The following TTC14 variants were observed in gnomAD, a reference collection of about 807,000 sequenced individuals.
The protein encoded by TTC14 is tetratricopeptide repeat domain 14, also known as tetratricopeptide repeat protein 14.
Under a neutral mutation model 79.9 loss-of-function variants are expected in TTC14, and 63 were observed. The ratio of observed to expected loss-of-function variants is 0.79; its 90% CI spans 0.64 to 0.97. The LOEUF (loss-of-function observed/expected upper bound fraction) is 0.97, where lower values mean the gene tolerates loss of function less well. Among genes scored for constraint, TTC14 ranks in the 50% least tolerant of loss-of-function variants. The pLI is 0.00. For missense variants in TTC14, 895 were observed against 894.0 expected (o/e 1.00, Z -0.01); for synonymous variants, 335 against 309.6 (o/e 1.08, Z -0.86).
intron 11 of TTC14, chr3:180,609,415 A>C: frequency 8.1e-7 from 1 of 1,241,616 alleles, no homozygotes; most frequent in Non-Finnish European, 1.0e-6. Context: ...TTCAGAGATG[A>C]TGGATTTGCT....
intron 12 of TTC14, chr3:180,616,714 C>T: frequency 6.3e-7 from 1 of 1,578,500 alleles, no homozygotes; most frequent in South Asian, 1.2e-5. Context: ...AAATAATAGT[C>T]AATTATTCTA....
intron 6 of TTC14, chr3:180,605,365 C>CT (rs112319552): frequency 0.25 from 47,414 of 193,080 alleles, 9,316 homozygotes; most frequent in African/African-American, 0.59. Context: ...CAAGCTCTGC[C>CT]CCTGGGTTCA....
Position 180,609,759 on chromosome 3 carries a change from A to C in TTC14, c.1530A>C (p.Ser510=), listed in dbSNP as rs766881087. ...ATAAGAAACATAAGAGGAACCGTTC[A>C]GAGTCTTCTCGCAGTTCCAGAAGGC... The part of the protein sequence containing the change: ...KRHKKHKRNR[S]ESSRSSRRHS... Residue 510 remains serine, a synonymous_variant, in exon 12 of 12, where the codon TCA becomes TCC. Coordinates refer to ENST00000296015, the MANE Select transcript of TTC14 (RefSeq NM_133462.4). 6.2e-7 allele frequency: 1 copy of C among 1,613,926 alleles called. No individual in the cohort carries two copies. Among genetic ancestry groups the C allele is most frequent in the African/African-American group, 1.3e-5 (1 of 74,942 alleles).
chr3:180,614,755 A>G (rs1466651659), downstream of TTC14: 1 of 571,596 alleles, frequency 1.7e-6, no homozygotes. Flanking sequence ...TATGAAGAAA[A>G]CAGTAGAGAA....
intron 1 of TTC14, 43 bp downstream of exon 1, chr3:180,602,465 C>T: frequency 2.6e-6 from 4 of 1,538,940 alleles, no homozygotes; most frequent in Non-Finnish European, 3.5e-6. Context: ...AGAGGGGACG[C>T]AGCTCTGGCA....
Position 180,610,266 on chromosome 3 carries a change from G to T in TTC14, c.2037G>T (p.Trp679Cys). Residue 679 changes from tryptophan to cysteine, a missense_variant, in exon 12 of 12, where the codon TGG becomes TGT. Trp to Cys is a radical substitution (Grantham distance 215). Coordinates refer to ENST00000296015, the MANE Select transcript of TTC14 (RefSeq NM_133462.4). ...STSPASSEYS[W>C]KSVEKYKKYA... is the part of the protein sequence containing the mutation. Reference sequence around the variant, plus strand: ...CACCAGCAAGCTCAGAATACTCTTGGAAGTCAGTTGAGAAATACAAAAAAT... The same window carrying T: ...CACCAGCAAGCTCAGAATACTCTTGTAAGTCAGTTGAGAAATACAAAAAAT... 6.2e-7 allele frequency: 1 copy of T among 1,613,824 alleles called. No individual in the cohort carries two copies. Among genetic ancestry groups the T allele is most frequent in the Non-Finnish European group, 8.5e-7 (1 of 1,179,876 alleles).
Position 180,603,467 on chromosome 3 carries a change from A to T in TTC14, c.486+144A>T, listed in dbSNP as rs569638446. On this transcript the variant is annotated intron_variant, in intron 3 of 11. Coordinates refer to ENST00000296015, the MANE Select transcript of TTC14 (RefSeq NM_133462.4). ...AATGTTAATTGGAGAAAAATAGTTT[A>T]AAAAAATTAGTGTAAGTTACCCAGT... 5.2e-4 allele frequency: 393 copies of T among 749,908 alleles called. 2 individuals carry two copies. In the African/African-American group the frequency reaches 6.1e-3, roughly 12 times the overall value. 46.5% of individuals were successfully genotyped at this position (749,908 alleles called of 1,614,324 possible). A position where few individuals can be genotyped will look rare whatever the true frequency, so the allele number is the denominator to read the frequency against.
intron 12 of TTC14, chr3:180,616,350 A>G (rs1484244374): frequency 5.6e-6 from 9 of 1,612,296 alleles, no homozygotes; most frequent in Non-Finnish European, 6.8e-6. Context: ...AGCTGTAGGT[A>G]GTTCTAACCC....
intron 10 of TTC14, 139 bp downstream of exon 10, chr3:180,607,904 T>C (rs926208755): frequency 2.8e-6 from 4 of 1,445,916 alleles, no homozygotes; most frequent in South Asian, 2.9e-5. Context: ...TTTTTCCTAA[T>C]TGGGTTTGAC....
rs753896523 is a variant in TTC14 at position 180,604,306 on chromosome 3, C to T, written c.568C>T (p.Arg190Ter). 6 of 1,610,728 alleles carry T rather than the reference C, an allele frequency of 3.7e-6. No homozygotes were observed. Among genetic ancestry groups the T allele is most frequent in the African/African-American group, 1.3e-5 (1 of 74,748 alleles). ...LSYYQTGDII[R>*]AGIKDIDRYH... Reference sequence around the variant, plus strand: ...ATATTACCAAACTGGTGACATCATTCGAGGTGATTAGTTTCATCATACTAA... The same window carrying T: ...ATATTACCAAACTGGTGACATCATTTGAGGTGATTAGTTTCATCATACTAA... Residue 190 changes from arginine to a stop codon, truncating the protein, a stop_gained, in exon 4 of 12, where the codon CGA becomes TGA. Coordinates refer to ENST00000296015, the MANE Select transcript of TTC14 (RefSeq NM_133462.4). LOFTEE classifies it high-confidence loss of function.
At chr3:180,602,613 CT>C (rs1198760470) in intron 1 of TTC14, 191 bp downstream of exon 1, 4 of 800,082 alleles carry the variant, frequency 5.0e-6, no homozygotes, top group African/African-American at 3.5e-5. Context: ...GCGGGCTGAA[CT>C]TTTTCTCTGG....
At chr3:180,614,944 TA>T, downstream of TTC14, 1 of 1,565,630 alleles carries the variant, frequency 6.4e-7, no homozygotes, top group Admixed American at 1.9e-5. Context: ...TTTTTGCTCT[TA>T]ACATTACTAG....
In TTC14 at chr3:180,608,774, C is replaced by T; in HGVS notation, c.1364C>T (p.Ala455Val). ...KQKTKKIETS[A>V]EKLRKLLKEE... ...AAAACAAAGAAAATAGAAACAAGTG[C>T]AGAAAAGTTGCGTAAGCTCTTAAAA... Residue 455 changes from alanine to valine, a missense_variant, in exon 11 of 12, where the codon GCA (alanine) becomes GTA (valine). Transcript: ENST00000296015. 6.4e-7 allele frequency: 1 copy of T among 1,558,630 alleles called. No individual in the cohort carries two copies. Among genetic ancestry groups the T allele is most frequent in the African/African-American group, 1.4e-5 (1 of 72,176 alleles).
chr3:180,615,558 T>G (rs1411092690), downstream of TTC14, among the ~76,000 whole-genome samples: 1 of 152,160 alleles, frequency 6.6e-6, no homozygotes, highest in Non-Finnish European at 1.5e-5. Flanking sequence ...ATATATTTTA[T>G]GAAAGTACAG....
At chr3:180,606,675 G>C in intron 9 of TTC14, 72 bp downstream of exon 9, 1 of 1,512,134 alleles carries the variant, frequency 6.6e-7, no homozygotes, top group Non-Finnish European at 8.9e-7. Flanking sequence ...TGAACTTAAG[G>C]AAATAGTTTC....
chr3:180,610,339 C>CGTT lies in TTC14; in HGVS notation c.2111_2113dup (p.Arg704_Leu705insCys), dbSNP rs1303730445. 6.2e-7 allele frequency: 1 copy of CGTT among 1,612,554 alleles called. No homozygotes were observed. The highest frequency in any genetic ancestry group is 8.5e-7 in the Non-Finnish European group (1 of 1,179,582). ...TTTCAGTAGACATGAGCAAAGATAC[C>CGTT]GTTTAAATACAAATCAAGGAGAATA... is the stretch of plus-strand genomic sequence containing the variant. On this transcript the variant is annotated inframe_insertion, in exon 12 of 12. Coordinates refer to ENST00000296015, the MANE Select transcript of TTC14 (RefSeq NM_133462.4).
downstream of TTC14, chr3:180,615,003 G>T: frequency 6.4e-7 from 1 of 1,561,502 alleles, no homozygotes; most frequent in East Asian, 2.3e-5. Flanking sequence ...TACTAGTGAA[G>T]AGGAGGCCGG....
chr3:180,605,220 GA>G (rs1203850183), intron 6 of TTC14: 2 of 397,568 alleles, frequency 5.0e-6, no homozygotes, highest in African/African-American at 2.1e-5. Context: ...GAAGGATGCA[GA>G]AACTTTTTAT....
downstream of TTC14, chr3:180,613,922 AAAG>A: frequency 2.3e-6 from 1 of 439,110 alleles, no homozygotes; most frequent in Non-Finnish European, 4.5e-6. Flanking sequence ...TGCTTTTCAG[AAAG>A]AAGTACAAAC....
Sources: allele counts gnomAD v4.1 joint callset (sites outside exome capture counted in the v4.1 genomes callset), GRCh38; gene constraint gnomAD v4.1.1; transcripts MANE v1.5; gene names NCBI Gene and HGNC (gene_info 2026-07-23, HGNC 2026-07-21).